Variants in NPAS3 observed in about 807,000 individuals in gnomAD.
The protein encoded by NPAS3 is neuronal PAS domain-containing protein 3.
In NPAS3, 14 loss-of-function variants were observed where a neutral mutation model predicts 73.1. The observed-to-expected ratio is 0.19, with a 90% CI of 0.13 to 0.30. NPAS3 has a LOEUF of 0.30. Among genes scored for constraint, NPAS3 ranks in the 10% least tolerant of loss-of-function variants. The pLI, the probability that NPAS3 is intolerant of heterozygous loss-of-function variation, is 1.00. For missense variants in NPAS3, 1,096 were observed against 1,250.0 expected (o/e 0.88, Z 1.86); for synonymous variants, 620 against 541.5 (o/e 1.14, Z -2.01).
At position 33,429,999 on chromosome 14, in the gene NPAS3, A is replaced by G. The variant is rs150045627; in HGVS notation, c.468+62731A>G. On this transcript the variant is annotated intron_variant, in intron 4 of 11. Transcript: ENST00000356141. ...ATCTGGTCAGCTCAATAGGGATGTG[A>G]CCCCTTCATCATTTAGATACAAGGG... is the stretch of plus-strand genomic sequence containing the variant. 3.4e-3 allele frequency among the ~76,000 whole-genome samples: 521 copies of G among 152,182 alleles called. 5 individuals are homozygous for G. The highest frequency in any genetic ancestry group is 0.012 in the African/African-American group (502 of 41,520).
intron 1 of NPAS3, among the ~76,000 whole-genome samples, chr14:33,021,242 C>T (rs1449635088): frequency 6.6e-6 from 1 of 152,194 alleles, no homozygotes; most frequent in Non-Finnish European, 1.5e-5. Flanking sequence ...GCGTGAAAAT[C>T]AAAGCCAGTG....
intron 2 of NPAS3, among the ~76,000 whole-genome samples, chr14:33,079,739 G>GTAGCTGGGATTACAGGTGTGT (rs1471672114): frequency 4.0e-5 from 6 of 148,838 alleles, no homozygotes; most frequent in African/African-American, 1.5e-4. Flanking sequence ...AGGCTCCTGA[G>GTAGCTGGGATTACAGGTGTGT]TAGCTGGGAT....
chr14:33,279,720 T>C (rs946836992), intron 3 of NPAS3, among the ~76,000 whole-genome samples: 4 of 151,990 alleles, frequency 2.6e-5, no homozygotes, highest in Admixed American at 1.3e-4. Flanking sequence ...CAAGAAAACA[T>C]TGGGGGGAAG....
chr14:33,001,763 C>T (rs1311694466), intron 1 of NPAS3, among the ~76,000 whole-genome samples: 2 of 152,146 alleles, frequency 1.3e-5, no homozygotes, highest in African/African-American at 4.8e-5. Context: ...GAACTCCACC[C>T]CGAATATTGC....
Position 33,777,746 on chromosome 14 carries a change from G to A in NPAS3, c.1047-720G>A, listed in dbSNP as rs983187719. On this transcript the variant is annotated intron_variant, in intron 8 of 11. Transcript: ENST00000356141. Reference sequence around the variant, plus strand: ...TTTGGGCTCTATTTTTCCATGCTCTGCCTGAGGACATCGACGTCTGGACAG... The same window carrying A: ...TTTGGGCTCTATTTTTCCATGCTCTACCTGAGGACATCGACGTCTGGACAG... Among the ~76,000 whole-genome samples the A allele has an allele frequency of 7.9e-5, 12 of 152,282 alleles. No homozygotes were observed. The East Asian group carries it at 2.1e-3, about 27-fold the overall frequency.
intron 3 of NPAS3, among the ~76,000 whole-genome samples, 195 bp from the exon 4 acceptor site, chr14:33,366,991 A>G (rs1365021245): frequency 6.6e-6 from 1 of 152,150 alleles, no homozygotes; most frequent in Middle Eastern, 3.2e-3. Context: ...AGAAGTCGAT[A>G]TTTTAGGTTG....
At chr14:33,346,235 A>AAT in intron 3 of NPAS3, among the ~76,000 whole-genome samples, 1 of 151,482 alleles carries the variant, frequency 6.6e-6, no homozygotes, top group East Asian at 2.0e-4. Context: ...AAAAAAAAAA[A>AAT]AAAAGTTGAT....
chr14:33,427,634 A>G (rs2139103231), intron 4 of NPAS3, among the ~76,000 whole-genome samples: 1 of 152,126 alleles, frequency 6.6e-6, no homozygotes, highest in East Asian at 1.9e-4. Flanking sequence ...TGATTCTAAC[A>G]GTGATTACAA....
chr14:33,388,846 T>A (rs986590421), intron 4 of NPAS3, among the ~76,000 whole-genome samples: 1 of 152,176 alleles, frequency 6.6e-6, no homozygotes, highest in African/African-American at 2.4e-5. Context: ...TGTGCCTATT[T>A]CATAGGAGTG....
intron 5 of NPAS3, among the ~76,000 whole-genome samples, chr14:33,617,406 G>C (rs2057952147): frequency 6.6e-6 from 1 of 152,166 alleles, no homozygotes; most frequent in Non-Finnish European, 1.5e-5. Flanking sequence ...TCCCAGAAGA[G>C]AGGAAATTTA....
chr14:33,449,440 C>T (rs892758155), intron 4 of NPAS3, among the ~76,000 whole-genome samples: 9 of 152,078 alleles, frequency 5.9e-5, no homozygotes, highest in East Asian at 5.8e-4. Context: ...GTAGTTGCAA[C>T]GGAGGATGTA....
chr14:33,207,234 TACACACACACACACACACACAC>T (rs760045327), intron 2 of NPAS3, among the ~76,000 whole-genome samples: 2 of 88,326 alleles, frequency 2.3e-5, no homozygotes, highest in Admixed American at 1.3e-4. Context: ...CAAAGAACAT[TACACACACACACACACACACAC>T]ACACACACAC....
At chr14:33,232,515 T>G (rs2047888930) in intron 3 of NPAS3, among the ~76,000 whole-genome samples, 2 of 152,174 alleles carry the variant, frequency 1.3e-5, no homozygotes, top group Non-Finnish European at 2.9e-5. Flanking sequence ...TCCCAATATC[T>G]TTAGTTCTTT....
intron 5 of NPAS3, among the ~76,000 whole-genome samples, chr14:33,568,201 A>G (rs2056055626): frequency 6.6e-6 from 1 of 152,196 alleles, no homozygotes; most frequent in East Asian, 1.9e-4. Flanking sequence ...TTTGAAGTAG[A>G]GCACTGAGCA....
intron 4 of NPAS3, among the ~76,000 whole-genome samples, chr14:33,516,577 C>T (rs2053309510): frequency 6.6e-6 from 1 of 152,130 alleles, no homozygotes; most frequent in Non-Finnish European, 1.5e-5. Flanking sequence ...GCTGCATGCC[C>T]TAGGGCAAGT....
At chr14:33,012,384 G>T (rs1431479159) in intron 1 of NPAS3, among the ~76,000 whole-genome samples, 2 of 152,180 alleles carry the variant, frequency 1.3e-5, no homozygotes, top group Non-Finnish European at 2.9e-5. Flanking sequence ...ATTGGTGGAT[G>T]TAACCAAAGT....
chr14:33,105,604 CAAT>C (rs895560539), intron 2 of NPAS3, among the ~76,000 whole-genome samples: 3 of 152,066 alleles, frequency 2.0e-5, no homozygotes, highest in African/African-American at 7.2e-5. Flanking sequence ...CTCCTTGTTA[CAAT>C]GAGTCATGCA....
At chr14:33,257,141 C>A (rs2048807569) in intron 3 of NPAS3, among the ~76,000 whole-genome samples, 1 of 152,188 alleles carries the variant, frequency 6.6e-6, no homozygotes, top group African/African-American at 2.4e-5. Context: ...TCTGTCCCAA[C>A]CCTCCTTCTT....
intron 2 of NPAS3, among the ~76,000 whole-genome samples, chr14:33,153,929 C>T (rs767342229): frequency 3.9e-5 from 6 of 152,120 alleles, no homozygotes; most frequent in Non-Finnish European, 8.8e-5. Flanking sequence ...ATCTCTTCCC[C>T]TGTTTTCCCA....
Sources: allele counts gnomAD v4.1 joint callset (sites outside exome capture counted in the v4.1 genomes callset), GRCh38; gene constraint gnomAD v4.1.1; transcripts MANE v1.5; gene names NCBI Gene and HGNC (gene_info 2026-07-23, HGNC 2026-07-21).